Variants in PTPRD observed in about 807,000 individuals in gnomAD.
The protein encoded by PTPRD is receptor-type tyrosine-protein phosphatase delta.
PTPRD carries 34 observed loss-of-function variants against 214.5 expected under a neutral mutation model. The observed-to-expected ratio is 0.16, with a 90% confidence interval of 0.12 to 0.21. The LOEUF (loss-of-function observed/expected upper bound fraction) is 0.21, where lower values mean the gene tolerates loss of function less well. Among genes scored for constraint, PTPRD ranks in the 10% least tolerant of loss-of-function variants. The pLI is 1.00. For synonymous variants in PTPRD, 1,128 were observed against 845.7 expected, an observed-to-expected ratio of 1.33 and a Z score of -5.79; for missense variants, 2,545 against 2,398.7, an observed-to-expected ratio of 1.06 and a Z score of -1.27.
At chr9:9,139,900 T>C (rs573805861) in intron 10 of PTPRD, among the ~76,000 whole-genome samples, 1 of 152,178 alleles carries the variant, frequency 6.6e-6, no homozygotes, top group South Asian at 2.1e-4. Flanking sequence ...AGTGTAAAAA[T>C]ATAAAAAGGA....
chr9:8,643,503 G>A (rs532816704), intron 12 of PTPRD, among the ~76,000 whole-genome samples: 6 of 152,326 alleles, frequency 3.9e-5, no homozygotes, highest in African/African-American at 1.4e-4. Context: ...CAGGCCATGT[G>A]GAGCGGCCAC....
At chr9:9,719,585 G>C (rs1720988681) in intron 7 of PTPRD, among the ~76,000 whole-genome samples, 1 of 152,142 alleles carries the variant, frequency 6.6e-6, no homozygotes, top group East Asian at 1.9e-4. Flanking sequence ...GCCAGAACAA[G>C]GTGGCAGGAC....
At chr9:10,120,183 T>C (rs951611837) in intron 3 of PTPRD, among the ~76,000 whole-genome samples, 2 of 152,096 alleles carry the variant, frequency 1.3e-5, no homozygotes, top group African/African-American at 4.8e-5. Context: ...TTTCTGTATG[T>C]AAGGCTTTGT....
intron 5 of PTPRD, among the ~76,000 whole-genome samples, chr9:9,913,464 C>A (rs1163454955): frequency 6.6e-6 from 1 of 152,092 alleles, no homozygotes; most frequent in Non-Finnish European, 1.5e-5. Flanking sequence ...GCATTCATCT[C>A]TCCCAGAAGA....
chr9:8,844,532 C>T (rs1390717772), intron 11 of PTPRD, among the ~76,000 whole-genome samples: 2 of 152,074 alleles, frequency 1.3e-5, no homozygotes, highest in Non-Finnish European at 2.9e-5. Flanking sequence ...AAAATGAGGC[C>T]AAGATTATGC....
intron 8 of PTPRD, among the ~76,000 whole-genome samples, chr9:9,498,803 G>A (rs2096291873): frequency 6.6e-6 from 1 of 152,048 alleles, no homozygotes; most frequent in Non-Finnish European, 1.5e-5. Flanking sequence ...AATGATCTGT[G>A]ATAAATACAC....
intron 4 of PTPRD, among the ~76,000 whole-genome samples, chr9:9,958,459 A>T (rs905657391): frequency 5.3e-5 from 8 of 152,226 alleles, no homozygotes; most frequent in Admixed American, 4.6e-4. Context: ...TGAACCCAGG[A>T]GGCAGAGGTT....
At chr9:10,603,725 T>C (rs377568338) in intron 2 of PTPRD, among the ~76,000 whole-genome samples, 8 of 151,824 alleles carry the variant, frequency 5.3e-5, no homozygotes, top group Admixed American at 2.6e-4. Context: ...ATTATTACCT[T>C]CTATCTGAAG....
intron 7 of PTPRD, among the ~76,000 whole-genome samples, chr9:9,637,589 C>T (rs2095812170): frequency 6.6e-6 from 1 of 152,210 alleles, no homozygotes; most frequent in South Asian, 2.1e-4. Context: ...TGGGCAGCTC[C>T]CCGCATATGG....
intron 2 of PTPRD, among the ~76,000 whole-genome samples, chr9:10,407,452 G>A (rs1209748792): frequency 6.6e-6 from 1 of 151,454 alleles, no homozygotes; most frequent in Non-Finnish European, 1.5e-5. Context: ...AAAAATGGAT[G>A]AAAATATATA....
intron 2 of PTPRD, among the ~76,000 whole-genome samples, chr9:10,470,173 T>A (rs1275692416): frequency 2.0e-5 from 3 of 152,114 alleles, no homozygotes; most frequent in African/African-American, 7.2e-5. Context: ...ATGTGCTAAA[T>A]ACCCACATTT....
At chr9:10,353,607 G>A (rs780246037) in intron 2 of PTPRD, among the ~76,000 whole-genome samples, 1 of 151,908 alleles carries the variant, frequency 6.6e-6, no homozygotes, top group African/African-American at 2.4e-5. Flanking sequence ...TTAATATAGA[G>A]TCTCTTAAAG....
chr9:10,467,163 A>G (rs185047134), intron 2 of PTPRD, among the ~76,000 whole-genome samples: 35 of 152,324 alleles, frequency 2.3e-4, no homozygotes, highest in Non-Finnish European at 4.3e-4. Flanking sequence ...AACAGAGTAC[A>G]GTGAGAAGAG....
At chr9:9,930,234 C>T (rs892149060) in intron 5 of PTPRD, among the ~76,000 whole-genome samples, 1 of 152,066 alleles carries the variant, frequency 6.6e-6, no homozygotes, top group Admixed American at 6.6e-5. Context: ...ATCTAGTACA[C>T]AATTAGAGTG....
At chr9:9,244,919 A>T (rs200537323) in intron 9 of PTPRD, among the ~76,000 whole-genome samples, 2 of 152,142 alleles carry the variant, frequency 1.3e-5, no homozygotes. Flanking sequence ...GAATCTACAA[A>T]GAACTCAAAC....
chr9:10,482,325 G>C lies in PTPRD; in HGVS notation c.-600+130073C>G, dbSNP rs35069540. 9.0e-4 allele frequency among the ~76,000 whole-genome samples: 136 copies of C among 151,930 alleles called. 1 individual carries two copies. In the East Asian group the frequency reaches 9.7e-3, roughly 11 times the overall value. Reference sequence around the variant, plus strand: ...GGTGGAGCTTACAGTGAGCCGAGATGGCGCCACTGCACTCCAGCCTGGGCG... The same window carrying C: ...GGTGGAGCTTACAGTGAGCCGAGATCGCGCCACTGCACTCCAGCCTGGGCG... On this transcript the variant is annotated intron_variant, in intron 2 of 45. Transcript: ENST00000381196.
At chr9:9,085,332 A>G (rs1483377440) in intron 10 of PTPRD, among the ~76,000 whole-genome samples, 3 of 152,192 alleles carry the variant, frequency 2.0e-5, no homozygotes, top group Admixed American at 1.3e-4. Context: ...TATAATAATT[A>G]CTTCCTTCTC....
At chr9:9,429,764 C>T (rs886664468) in intron 8 of PTPRD, among the ~76,000 whole-genome samples, 13 of 152,228 alleles carry the variant, frequency 8.5e-5, no homozygotes, top group African/African-American at 3.1e-4. Flanking sequence ...AATCAATAAA[C>T]ATAATCCATC....
chr9:8,956,978 A>G (rs73640974), intron 11 of PTPRD, among the ~76,000 whole-genome samples: 6,752 of 151,874 alleles, frequency 0.044, 300 homozygotes, highest in African/African-American at 0.11. Flanking sequence ...ACCCACTTTC[A>G]TGTCCCTGCG....
Sources: gnomAD v4.1 joint callset for allele counts (sites outside exome capture counted in the v4.1 genomes callset) on GRCh38, gnomAD v4.1.1 for gene constraint, MANE v1.5 for transcripts, NCBI Gene and HGNC (gene_info 2026-07-23, HGNC 2026-07-21) for gene names.